KDM3A: variants seen among roughly 807,000 people sequenced by gnomAD.
KDM3A encodes lysine-specific demethylase 3A.
A neutral mutation model predicts 158.0 loss-of-function variants in KDM3A; 60 were observed. The observed-to-expected ratio is 0.38, with a 90% CI of 0.31 to 0.47. The LOEUF is 0.47. KDM3A is among the 20% of genes least tolerant of loss of function. The pLI is 0.99. For synonymous variants in KDM3A, 608 were observed against 549.3 expected (o/e 1.11, Z -1.49); for missense variants, 1,319 against 1,574.3 (o/e 0.84, Z 2.74).
At chr2:86,477,456 T>C (rs970499726) in intron 12 of KDM3A, among the ~76,000 whole-genome samples, 3 of 152,172 alleles carry the variant, frequency 2.0e-5, no homozygotes, top group African/African-American at 7.2e-5. Flanking sequence ...AAATTTTTCT[T>C]TTTTCCTTTG....
At chr2:86,489,815 A>C in intron 23 of KDM3A, 156 bp downstream of exon 23, 1 of 680,416 alleles carries the variant, frequency 1.5e-6, no homozygotes, top group East Asian at 2.8e-5. Context: ...GTGGTTGCTA[A>C]GGAACAAGGA....
intron 8 of KDM3A, among the ~76,000 whole-genome samples, chr2:86,458,265 T>C (rs1048323529): frequency 6.6e-6 from 1 of 152,154 alleles, no homozygotes; most frequent in African/African-American, 2.4e-5. Context: ...TTCTTGAATC[T>C]TTCCTGTATA....
chr2:86,482,146 CAG>C (rs1407752147), intron 17 of KDM3A, 44 bp downstream of exon 17: 32 of 1,578,770 alleles, frequency 2.0e-5, no homozygotes, highest in Non-Finnish European at 2.8e-5. Flanking sequence ...AAGTTGAAGA[CAG>C]AACAGGAAGA....
intron 10 of KDM3A, among the ~76,000 whole-genome samples, chr2:86,468,775 C>T (rs1255062353): frequency 6.6e-6 from 1 of 152,064 alleles, no homozygotes; most frequent in Non-Finnish European, 1.5e-5. Context: ...TTTTTCCGTT[C>T]AGATAGATAC....
intron 21 of KDM3A, chr2:86,488,567 G>A (rs1303212457): frequency 6.6e-6 from 1 of 152,230 alleles, no homozygotes; most frequent in African/African-American, 2.4e-5. Flanking sequence ...AAAGCCCCAG[G>A]CAAGCCAGAG....
intron 12 of KDM3A, among the ~76,000 whole-genome samples, 195 bp from the exon 13 acceptor site, chr2:86,477,682 C>G (rs539500259): frequency 3.3e-5 from 5 of 152,064 alleles, no homozygotes; most frequent in African/African-American, 1.2e-4. Context: ...ATCTGAAGTA[C>G]AAATTCAAGT....
At chr2:86,489,012 T>A in intron 21 of KDM3A, 1 of 301,838 alleles carries the variant, frequency 3.3e-6, no homozygotes. Flanking sequence ...GCCCCAGAAC[T>A]CCTAGGCTGT....
intron 16 of KDM3A, 150 bp downstream of exon 16, chr2:86,480,512 A>G: frequency 1.5e-6 from 1 of 670,960 alleles, no homozygotes. Flanking sequence ...TGTTTTTGAA[A>G]TGCAGCACCA....
intron 25 of KDM3A, 30 bp downstream of exon 25, chr2:86,491,305 T>C: frequency 6.2e-7 from 1 of 1,609,582 alleles, no homozygotes; most frequent in Non-Finnish European, 8.5e-7. Flanking sequence ...CTAGCATTCT[T>C]TGGCTATGGC....
chr2:86,458,966 G>A (rs1672816404), intron 8 of KDM3A, among the ~76,000 whole-genome samples: 1 of 151,904 alleles, frequency 6.6e-6, no homozygotes, highest in Admixed American at 6.6e-5. Flanking sequence ...GTAGCTAAGG[G>A]GGTGGAGAGC....
intron 12 of KDM3A, among the ~76,000 whole-genome samples, chr2:86,476,277 G>A (rs1409407959): frequency 6.6e-6 from 1 of 152,186 alleles, no homozygotes; most frequent in African/African-American, 2.4e-5. Context: ...TAGTGGCTTT[G>A]CTCCTGAATC....
rs766093901 is a variant in KDM3A, at chr2:86,484,177, T to G, written c.3094+19T>G. 2.5e-6 allele frequency: 4 copies of G among 1,603,282 alleles called. No individual in the cohort carries two copies. The highest frequency in any genetic ancestry group is 1.3e-5 in the African/African-American group (1 of 74,518). On this transcript the variant is annotated intron_variant, in intron 19 of 25. Transcript: ENST00000312912. ...GTTCCAAGTATGTATGAAAGATCTT[T>G]TAAGGGGGTTGGGGATGTGAAAGGA...
At chr2:86,463,194 A>T (rs759417294) in intron 8 of KDM3A, among the ~76,000 whole-genome samples, 2 of 152,206 alleles carry the variant, frequency 1.3e-5, no homozygotes, top group Non-Finnish European at 2.9e-5. Context: ...TCAAGTTTAG[A>T]TTTGGTGGTA....
At chr2:86,465,938 CAAAA>C (rs10541366) in intron 9 of KDM3A, among the ~76,000 whole-genome samples, 18 of 118,000 alleles carry the variant, frequency 1.5e-4, no homozygotes, top group African/African-American at 4.3e-4. Flanking sequence ...AATTTACACA[CAAAA>C]AAAAAAAAAA....
intron 8 of KDM3A, among the ~76,000 whole-genome samples, chr2:86,463,444 A>G (rs1015472361): frequency 1.3e-5 from 2 of 152,194 alleles, no homozygotes; most frequent in Admixed American, 6.5e-5. Context: ...GTTACCTGAA[A>G]AGGGAACTGG....
intron 2 of KDM3A, 78 bp downstream of exon 2, chr2:86,442,311 G>A: frequency 7.3e-7 from 1 of 1,377,336 alleles, no homozygotes; most frequent in Non-Finnish European, 9.9e-7. Flanking sequence ...CCCTCCTTCC[G>A]TTTTCTGAAA....
Position 86,445,718 on chromosome 2 carries a change from A to G in KDM3A, c.186+3485A>G, listed in dbSNP as rs112302836. 3.7e-3 allele frequency among the ~76,000 whole-genome samples: 563 copies of G among 152,312 alleles called. 5 individuals are homozygous for G. Among genetic ancestry groups the G allele is most frequent in the African/African-American group, 0.013 (532 of 41,556 alleles). The stretch of plus-strand genomic sequence containing the variant: ...CCATTGAAACTTTAATGTTAGTGCA[A>G]TCTGCTGCCAGTCAAGCCATGTAAA... On this transcript the variant is annotated intron_variant, in intron 2 of 25. Coordinates refer to ENST00000312912, the MANE Select transcript of KDM3A (RefSeq NM_018433.6).
intron 15 of KDM3A, chr2:86,479,532 C>A (rs1377624506): frequency 6.6e-6 from 1 of 152,170 alleles, no homozygotes; most frequent in Non-Finnish European, 1.5e-5. Flanking sequence ...TTGGGCATCA[C>A]AGAATTACAT....
At chr2:86,482,761 T>C (rs1273430951) in intron 18 of KDM3A, 67 bp downstream of exon 18, 2 of 1,462,048 alleles carry the variant, frequency 1.4e-6, no homozygotes, top group Non-Finnish European at 1.9e-6. Flanking sequence ...AGCAGACTTC[T>C]GACAACCCCA....
Sources: allele counts gnomAD v4.1 joint callset (sites outside exome capture counted in the v4.1 genomes callset), GRCh38; gene constraint gnomAD v4.1.1; transcripts MANE v1.5; gene names NCBI Gene and HGNC (gene_info 2026-07-23, HGNC 2026-07-21).